ARID1B: variants seen among roughly 807,000 people sequenced by gnomAD.
ARID1B encodes AT-rich interaction domain 1B, also known as AT-rich interactive domain-containing protein 1B.
In ARID1B, 30 loss-of-function variants were observed where a neutral mutation model predicts 212.3. The ratio of observed to expected loss-of-function variants is 0.14; its 90% confidence interval spans 0.11 to 0.19. The LOEUF is 0.19. Among genes scored for constraint, ARID1B ranks in the 10% least tolerant of loss-of-function variants. The pLI is 1.00. For synonymous variants in ARID1B, 1,402 were observed against 1,301.7 expected (o/e 1.08, Z -1.66); for missense variants, 2,891 against 3,204.0 (o/e 0.90, Z 2.36).
chr6:157,001,437 G>A (rs1185888832), intron 4 of ARID1B, among the ~76,000 whole-genome samples: 8 of 152,186 alleles, frequency 5.3e-5, no homozygotes, highest in African/African-American at 1.4e-4. Context: ...ATGACGTGAG[G>A]TTCTGGTTCA....
chr6:157,183,557 G>A (rs1299929772), intron 12 of ARID1B, among the ~76,000 whole-genome samples: 1 of 152,110 alleles, frequency 6.6e-6, no homozygotes, highest in African/African-American at 2.4e-5. Flanking sequence ...ATAATGCCTC[G>A]GATCTTGACG....
chr6:157,106,733 G>A (rs539164968), intron 5 of ARID1B, among the ~76,000 whole-genome samples: 1 of 152,304 alleles, frequency 6.6e-6, no homozygotes, highest in Non-Finnish European at 1.5e-5. Flanking sequence ...TGGAGAGGAG[G>A]GGATTACTCA....
At chr6:156,995,651 GA>G (rs1778542122) in intron 4 of ARID1B, among the ~76,000 whole-genome samples, 1 of 152,226 alleles carries the variant, frequency 6.6e-6, no homozygotes, top group East Asian at 1.9e-4. Context: ...CAAGTGAGAA[GA>G]TGTGCTTAGT....
chr6:157,149,631 C>T (rs1321867965), intron 8 of ARID1B: 4 of 152,138 alleles, frequency 2.6e-5, no homozygotes, highest in Non-Finnish European at 4.4e-5. Flanking sequence ...GAAGTAAATA[C>T]TTGACCTGGA....
Position 157,206,421 on chromosome 6 carries a change from G to A in ARID1B, c.5649G>A (p.Lys1883=), listed in dbSNP as rs755445588. 6.8e-6 allele frequency: 11 copies of A among 1,614,060 alleles called. No individual in the cohort carries two copies. Among genetic ancestry groups the A allele is most frequent in the African/African-American group, 1.3e-5 (1 of 74,908 alleles). ...EDSEKTESDE[K]SSIALTAPDA... Reference sequence around the variant, plus strand: ...GCGAGAAGACAGAAAGCGATGAAAAGAGCAGCATCGCTCTGACTGCCCCGG... The same window carrying A: ...GCGAGAAGACAGAAAGCGATGAAAAAAGCAGCATCGCTCTGACTGCCCCGG... The change falls in exon 20 of 20, where the codon AAG becomes AAA. Residue 1883 remains lysine, a synonymous_variant. Transcript: ENST00000636930. The surrounding 1 kb of genome is among the most constrained non-coding windows in gnomAD (Gnocchi z 6.8).
intron 4 of ARID1B, among the ~76,000 whole-genome samples, chr6:156,950,105 T>TTG (rs1409290456): frequency 1.3e-5 from 2 of 152,072 alleles, no homozygotes; most frequent in Non-Finnish European, 2.9e-5. Flanking sequence ...TCAGAGTCGG[T>TTG]TGGTAGCATA....
rs754910735 is a variant in ARID1B at position 156,955,432 on chromosome 6, G to A, written c.2247+19856G>A. ...AGGCTAGGTGGGGATCCAGAACAACGCTATAGTCCTTTCTGTATATGTTAT... is the reference window on the plus strand; with the variant it reads ...AGGCTAGGTGGGGATCCAGAACAACACTATAGTCCTTTCTGTATATGTTAT... On this transcript the variant is annotated intron_variant, in intron 4 of 19. Coordinates refer to ENST00000636930, the MANE Select transcript of ARID1B (RefSeq NM_001374828.1). This position sits in a 1 kb window ranked among gnomAD's most constrained non-coding sequence, Gnocchi z 4.2. 6.6e-6 allele frequency among the ~76,000 whole-genome samples: 1 copy of A among 152,148 alleles called. No individual in the cohort carries two copies. Among genetic ancestry groups the A allele is most frequent in the Non-Finnish European group, 1.5e-5 (1 of 68,008 alleles).
chr6:156,843,604 G>GT (rs1313351539), intron 2 of ARID1B, among the ~76,000 whole-genome samples: 1 of 152,122 alleles, frequency 6.6e-6, no homozygotes, highest in Admixed American at 6.5e-5. Context: ...TGTAGGGGGG[G>GT]TGTTAGGCTG....
intron 9 of ARID1B, chr6:157,172,833 A>G (rs965810233): frequency 1.3e-5 from 2 of 150,994 alleles, no homozygotes; most frequent in African/African-American, 2.4e-5. Context: ...ACATAACGCT[A>G]CATGTGTCCC....
chr6:156,982,173 A>G (rs1055526825), intron 4 of ARID1B, among the ~76,000 whole-genome samples: 2 of 152,164 alleles, frequency 1.3e-5, no homozygotes, highest in Non-Finnish European at 2.9e-5. Context: ...TGCATGTTTC[A>G]AAACACCTTT....
In ARID1B at chr6:157,081,691, C is replaced by T. The variant is rs542529062; in HGVS notation, c.2248-2971C>T. ...AACCTGAGTAAAGCCCTCTTAATGC[C>T]CATCCGTGTCACTTTTTAAACCATA... is the stretch of plus-strand genomic sequence containing the variant. On this transcript the variant is annotated intron_variant, in intron 4 of 19. Transcript: ENST00000636930. Among the ~76,000 whole-genome samples the T allele has an allele frequency of 2.6e-5, 4 of 152,162 alleles. No homozygotes were observed. The South Asian group carries it at 8.3e-4, about 32-fold the overall frequency.
chr6:156,847,194 T>C (rs1314676670), intron 2 of ARID1B, among the ~76,000 whole-genome samples: 1 of 152,238 alleles, frequency 6.6e-6, no homozygotes. Context: ...TCTAATAGGT[T>C]TTAATACTGT....
At chr6:156,792,352 C>G (rs1026182994) in intron 1 of ARID1B, among the ~76,000 whole-genome samples, 1 of 152,166 alleles carries the variant, frequency 6.6e-6, no homozygotes, top group Admixed American at 6.5e-5. Flanking sequence ...ACCTGTAATC[C>G]TAGCTCTTTG....
intron 1 of ARID1B, among the ~76,000 whole-genome samples, chr6:156,828,550 G>T (rs9480392): frequency 6.6e-6 from 1 of 152,072 alleles, no homozygotes; most frequent in African/African-American, 2.4e-5. Flanking sequence ...CTGAAGCCCA[G>T]GGCCTGACTC....
intron 3 of ARID1B, among the ~76,000 whole-genome samples, chr6:156,925,781 T>G (rs1438903303): frequency 2.0e-5 from 3 of 152,056 alleles, no homozygotes; most frequent in Non-Finnish European, 4.4e-5. Context: ...TGGGAAAAAT[T>G]GAAGGGATTT....
intron 6 of ARID1B, among the ~76,000 whole-genome samples, chr6:157,112,273 G>A (rs1382207395): frequency 6.6e-6 from 1 of 152,180 alleles, no homozygotes; most frequent in South Asian, 2.1e-4. Flanking sequence ...TGCTTGATCT[G>A]TGTTAACTCC....
chr6:157,198,847 C>A lies in ARID1B; in HGVS notation c.4419C>A (p.Gly1473=). 6.2e-7 allele frequency: 1 copy of A among 1,611,864 alleles called. No individual in the cohort carries two copies. The highest frequency in any genetic ancestry group is 1.7e-5 in the Admixed American group (1 of 59,860). The change falls in exon 17 of 20, where the codon GGC becomes GGA. Residue 1473 remains glycine, a synonymous_variant. Transcript: ENST00000636930. ...EPYGQQYPGQ[G]PPSGQPPYGG... is the part of the protein sequence containing the mutation. Reference sequence around the variant, plus strand: ...ATGGGCAGCAGTATCCAGGCCAAGGCCCTCCCTCGGGACAGCCGCCGTATG... The same window carrying A: ...ATGGGCAGCAGTATCCAGGCCAAGGACCTCCCTCGGGACAGCCGCCGTATG...
intron 2 of ARID1B, among the ~76,000 whole-genome samples, chr6:156,893,714 C>T (rs1038360227): frequency 1.3e-5 from 2 of 152,070 alleles, no homozygotes. Context: ...ATGCAAATTT[C>T]ACAATGAGTA....
chr6:157,014,581 T>C lies in ARID1B; in HGVS notation c.2248-70081T>C, dbSNP rs149549725. 7.7e-4 allele frequency among the ~76,000 whole-genome samples: 118 copies of C among 152,338 alleles called. 2 individuals carry two copies. Among genetic ancestry groups the C allele is most frequent in the Admixed American group, 6.7e-3 (102 of 15,304 alleles). ...TTTGTAATTATGTTGCTGTGGAATA[T>C]AAGCAGTTTTTTTCATCTCACCCAA... On this transcript the variant is annotated intron_variant, in intron 4 of 19. Coordinates refer to ENST00000636930, the MANE Select transcript of ARID1B (RefSeq NM_001374828.1).
Sources: gnomAD v4.1 joint callset for allele counts (sites outside exome capture counted in the v4.1 genomes callset) on GRCh38, gnomAD v4.1.1 for gene constraint, Gnocchi (gnomAD v3.1) non-coding constraint, MANE v1.5 for transcripts, NCBI Gene and HGNC (gene_info 2026-07-23, HGNC 2026-07-21) for gene names.